WDPCP: variants seen among roughly 807,000 people sequenced by gnomAD.
The protein encoded by WDPCP is WD repeat-containing and planar cell polarity effector protein fritz homolog.
A neutral mutation model predicts 93.1 loss-of-function variants in WDPCP; 71 were observed. That is an observed-to-expected ratio of 0.76 (90% CI 0.63 to 0.93). WDPCP has a LOEUF of 0.93. Among genes scored for constraint, WDPCP ranks in the 40% least tolerant of loss-of-function variants. The pLI, the probability that WDPCP is intolerant of heterozygous loss-of-function variation, is 0.00. For synonymous variants in WDPCP, 315 were observed against 315.0 expected (o/e 1.00, Z 0.00); for missense variants, 844 against 887.4 (o/e 0.95, Z 0.62).
chr2:63,499,269 A>AAG (rs1701404872), intron 1 of WDPCP, among the ~76,000 whole-genome samples: 1 of 152,208 alleles, frequency 6.6e-6, no homozygotes, highest in Admixed American at 6.5e-5. Flanking sequence ...CAATACCCAA[A>AAG]AGAATAAATT....
chr2:63,347,986 GT>G (rs1425321501), intron 12 of WDPCP, among the ~76,000 whole-genome samples: 29 of 152,166 alleles, frequency 1.9e-4, no homozygotes, highest in African/African-American at 7.0e-4. Flanking sequence ...ATGTCCTGTG[GT>G]AGGACTAAAA....
rs184580043 is a variant in WDPCP, at chr2:63,807,553, C to A, written n.308+6069G>T. On this transcript the variant is annotated intron_variant and non_coding_transcript_variant, in intron 2 of 4. Coordinates refer to the WDPCP transcript ENST00000467687. ...CGTCTTTTCTTCATAAATTACCCAG[C>A]CTCAGGTATTTCTTTATGGCAATGC... Among the ~76,000 whole-genome samples the A allele has an allele frequency of 1.4e-4, 21 of 152,220 alleles. No homozygotes were observed. In the South Asian group the frequency reaches 2.7e-3, roughly 20 times the overall value.
chr2:63,705,032 T>C (rs1023910879), intron 2 of WDPCP, among the ~76,000 whole-genome samples: 1 of 152,194 alleles, frequency 6.6e-6, no homozygotes, highest in Middle Eastern at 3.4e-3. Flanking sequence ...CTTGGGAGGG[T>C]GTATGTGTTG....
intron 14 of WDPCP, among the ~76,000 whole-genome samples, chr2:63,237,990 A>G (rs912425136): frequency 2.0e-5 from 3 of 150,404 alleles, no homozygotes; most frequent in African/African-American, 7.3e-5. Flanking sequence ...AAAATTAAAA[A>G]TAAATATTTT....
intron 9 of WDPCP, among the ~76,000 whole-genome samples, chr2:63,419,790 G>A (rs2105340643): frequency 6.6e-6 from 1 of 151,994 alleles, no homozygotes; most frequent in Non-Finnish European, 1.5e-5. Flanking sequence ...ATATAAATCA[G>A]GAAAAAAAAT....
the WDPCP span, among the ~76,000 whole-genome samples, chr2:63,833,501 C>T: frequency 1.3e-5 from 2 of 152,168 alleles, no homozygotes; most frequent in African/African-American, 4.8e-5. Context: ...CAGAAAAACA[C>T]CAATAAATTA....
chr2:63,757,826 G>A (rs145517901), intron 2 of WDPCP, among the ~76,000 whole-genome samples: 142 of 152,262 alleles, frequency 9.3e-4, no homozygotes, highest in Non-Finnish European at 1.6e-3. Context: ...AGAAACACAT[G>A]TATAGATGGA....
chr2:63,233,926 C>G (rs571041018), intron 14 of WDPCP, among the ~76,000 whole-genome samples: 1 of 152,104 alleles, frequency 6.6e-6, no homozygotes, highest in South Asian at 2.1e-4. Context: ...CCCAGCCAAC[C>G]TACCCAGTAT....
At chr2:63,604,474 C>G (rs1221899163) in intron 3 of WDPCP, among the ~76,000 whole-genome samples, 1 of 152,218 alleles carries the variant, frequency 6.6e-6, no homozygotes, top group East Asian at 1.9e-4. Flanking sequence ...CTTAAACATT[C>G]TACTCCATAA....
chr2:63,660,281 G>A (rs1354883545), intron 2 of WDPCP, among the ~76,000 whole-genome samples: 1 of 152,020 alleles, frequency 6.6e-6, no homozygotes, highest in Non-Finnish European at 1.5e-5. Context: ...CCTCCACACT[G>A]GTAAATCTAA....
intron 12 of WDPCP, among the ~76,000 whole-genome samples, chr2:63,342,323 C>T (rs1045091601): frequency 2.6e-5 from 4 of 152,222 alleles, no homozygotes; most frequent in East Asian, 1.9e-4. Flanking sequence ...TGATTTAATC[C>T]GTTGTTTCAA....
intron 1 of WDPCP, among the ~76,000 whole-genome samples, chr2:63,536,354 T>G (rs573598697): frequency 6.6e-6 from 1 of 152,320 alleles, no homozygotes; most frequent in African/African-American, 2.4e-5. Context: ...GCCATCCCAT[T>G]ACTGGGCATA....
intron 14 of WDPCP, among the ~76,000 whole-genome samples, chr2:63,190,432 CA>C (rs57419276): frequency 0.19 from 17,492 of 92,298 alleles, 1,095 homozygotes; most frequent in Middle Eastern, 0.3. Context: ...GACCTTGTCT[CA>C]AAAAAAAAAA....
At chr2:63,700,928 A>G (rs925963185) in intron 2 of WDPCP, among the ~76,000 whole-genome samples, 2 of 152,224 alleles carry the variant, frequency 1.3e-5, no homozygotes, top group African/African-American at 4.8e-5. Flanking sequence ...AGAAGAAAAC[A>G]TTGGGGAAAT....
intron 2 of WDPCP, among the ~76,000 whole-genome samples, chr2:63,712,793 T>C (rs1669281398): frequency 6.6e-6 from 1 of 152,218 alleles, no homozygotes; most frequent in African/African-American, 2.4e-5. Context: ...TTCTAAATAA[T>C]CTGATCGAGG....
intron 1 of WDPCP, among the ~76,000 whole-genome samples, chr2:63,569,582 T>C (rs1707326110): frequency 6.6e-6 from 1 of 152,226 alleles, no homozygotes; most frequent in East Asian, 1.9e-4. Flanking sequence ...TACCTGATAT[T>C]GAACACCTGG....
intron 2 of WDPCP, among the ~76,000 whole-genome samples, chr2:63,668,631 C>CAGT (rs1441224266): frequency 6.6e-6 from 1 of 152,196 alleles, no homozygotes; most frequent in Admixed American, 6.5e-5. Context: ...CCCCTGCTGG[C>CAGT]AGTCCCACAA....
chr2:63,361,277 A>T (rs1478673964), intron 12 of WDPCP, among the ~76,000 whole-genome samples: 1 of 152,214 alleles, frequency 6.6e-6, no homozygotes, highest in African/African-American at 2.4e-5. Flanking sequence ...TCAAACAAGA[A>T]ATCAAGACTA....
At position 63,222,911 on chromosome 2, in the gene WDPCP, A is replaced by G. The variant is rs560022255; in HGVS notation, c.1915+36396T>C. ...ATGAGTTCGATTTGAGTAAAGTAAA[A>G]TTGATCTTCTTTGAAATATGTTTTA... is the stretch of plus-strand genomic sequence containing the variant. On this transcript the variant is annotated intron_variant, in intron 14 of 17. Coordinates refer to ENST00000272321, the MANE Select transcript of WDPCP (RefSeq NM_015910.7). Among the ~76,000 whole-genome samples the G allele has an allele frequency of 2.0e-5, 3 of 152,284 alleles. No individual in the cohort carries two copies. The South Asian group carries it at 6.2e-4, about 32-fold the overall frequency.
Sources: gnomAD v4.1 joint callset for allele counts (sites outside exome capture counted in the v4.1 genomes callset) on GRCh38, gnomAD v4.1.1 for gene constraint, MANE v1.5 for transcripts, NCBI Gene and HGNC (gene_info 2026-07-23, HGNC 2026-07-21) for gene names.